The following TSNAX variants were observed in gnomAD, a reference collection of about 807,000 sequenced individuals.
The protein encoded by TSNAX is translin associated factor X.
In TSNAX, 12 loss-of-function variants were observed where a neutral mutation model predicts 33.0. That is an observed-to-expected ratio of 0.36 (90% CI 0.23 to 0.59). TSNAX has a LOEUF of 0.59. Ranked by LOEUF, TSNAX falls within the 20% of genes least tolerant of loss-of-function variation. TSNAX has a pLI of 0.74. For synonymous variants in TSNAX, 110 were observed against 117.2 expected (o/e 0.94, Z 0.40); for missense variants, 267 against 341.3 (o/e 0.78, Z 1.72).
At chr1:231,554,372 T>C (rs1235711519) in intron 4 of TSNAX, among the ~76,000 whole-genome samples, 1 of 152,156 alleles carries the variant, frequency 6.6e-6, no homozygotes, top group Non-Finnish European at 1.5e-5. Flanking sequence ...TTAGAAGGAA[T>C]TTACGGGAAA....
rs1177520944 is a variant in TSNAX, at chr1:231,564,932, CT to C, written c.*31del. 1 of 1,598,498 alleles carries C rather than the reference CT, an allele frequency of 6.3e-7. No homozygotes were observed. The highest frequency in any genetic ancestry group is 1.3e-5 in the African/African-American group (1 of 74,396). On this transcript the variant is annotated 3_prime_UTR_variant, in exon 6 of 6. Transcript: ENST00000366639. ...ATCTAACGTTACTCAGTTACTAATT[CT>C]TTTGAGAACTCCTAAGAGACCAATT...
In TSNAX at chr1:231,530,344, A is replaced by G. The variant is rs567727475; in HGVS notation, c.121+985A>G. 2.0e-5 allele frequency among the ~76,000 whole-genome samples: 3 copies of G among 152,338 alleles called. No individual in the cohort carries two copies. In the East Asian group the frequency reaches 5.8e-4, roughly 29 times the overall value. On this transcript the variant is annotated intron_variant, in intron 2 of 5. Coordinates refer to ENST00000366639, the MANE Select transcript of TSNAX (RefSeq NM_005999.3). ...GAAAACCACCACAGTATCTACTGTG[A>G]TCGTCAGAAGTTTAAGACAGCTGGC...
intron 4 of TSNAX, among the ~76,000 whole-genome samples, chr1:231,559,979 ATTATTATTT>A (rs1660943615): frequency 1.4e-5 from 2 of 147,712 alleles, no homozygotes; most frequent in African/African-American, 5.1e-5. Context: ...TATTATTATT[ATTATTATTT>A]TTTTTTTTTT....
chr1:231,552,345 A>G (rs1660373243), intron 4 of TSNAX, among the ~76,000 whole-genome samples: 1 of 152,192 alleles, frequency 6.6e-6, no homozygotes. Context: ...AATTAGTGGA[A>G]TTCTATTTAG....
intron 3 of TSNAX, among the ~76,000 whole-genome samples, chr1:231,538,345 ATAT>A (rs1659328056): frequency 6.6e-6 from 1 of 152,238 alleles, no homozygotes; most frequent in Non-Finnish European, 1.5e-5. Flanking sequence ...AGTTGTAATC[ATAT>A]TATTCATACA....
At chr1:231,543,837 GTTTA>G (rs1659732475) in intron 4 of TSNAX, among the ~76,000 whole-genome samples, 1 of 152,098 alleles carries the variant, frequency 6.6e-6, no homozygotes, top group African/African-American at 2.4e-5. Context: ...AATATCAGGG[GTTTA>G]TTTGATTTCT....
intron 3 of TSNAX, among the ~76,000 whole-genome samples, chr1:231,538,328 C>T (rs114067040): frequency 0.029 from 4,424 of 152,306 alleles, 251 homozygotes; most frequent in African/African-American, 0.1. Flanking sequence ...GCACTATTTT[C>T]TATTACAGTT....
intron 2 of TSNAX, chr1:231,534,607 A>G (rs1453567989): frequency 6.6e-6 from 1 of 152,222 alleles, no homozygotes; most frequent in Non-Finnish European, 1.5e-5. Flanking sequence ...AATAGCAGCA[A>G]AATAATAAGA....
intron 4 of TSNAX, among the ~76,000 whole-genome samples, chr1:231,559,408 AAG>A (rs1233434803): frequency 1.8e-4 from 28 of 152,116 alleles, no homozygotes; most frequent in African/African-American, 5.6e-4. Flanking sequence ...GGCTCATTAC[AAG>A]CCCCACCTCC....
At chr1:231,545,414 A>G (rs1659837616) in intron 4 of TSNAX, among the ~76,000 whole-genome samples, 1 of 152,206 alleles carries the variant, frequency 6.6e-6, no homozygotes, top group African/African-American at 2.4e-5. Context: ...TAATTGAACA[A>G]CAACAAAACG....
chr1:231,558,000 C>T (rs750913288), intron 4 of TSNAX, among the ~76,000 whole-genome samples: 3 of 152,034 alleles, frequency 2.0e-5, no homozygotes, highest in African/African-American at 4.8e-5. Context: ...GAGTGAGCAG[C>T]CACTACCCCT....
At chr1:231,537,189 C>G in intron 2 of TSNAX, 24 bp from the exon 3 acceptor site, 1 of 1,526,452 alleles carries the variant, frequency 6.6e-7, no homozygotes. Context: ...AATATACATG[C>G]TTATGATCAT....
At chr1:231,557,735 A>C (rs548088528) in intron 4 of TSNAX, among the ~76,000 whole-genome samples, 5 of 152,294 alleles carry the variant, frequency 3.3e-5, no homozygotes, top group Admixed American at 1.3e-4. Context: ...GCTGGTACTG[A>C]ATCTTGATCC....
At chr1:231,558,418 A>T (rs570427292) in intron 4 of TSNAX, among the ~76,000 whole-genome samples, 1 of 152,324 alleles carries the variant, frequency 6.6e-6, no homozygotes, top group South Asian at 2.1e-4. Context: ...GCCAGCTGGC[A>T]TAGGAGACAT....
intron 3 of TSNAX, 109 bp from the exon 4 acceptor site, chr1:231,542,372 A>T (rs1420172455): frequency 9.0e-7 from 1 of 1,107,248 alleles, no homozygotes; most frequent in Non-Finnish European, 1.3e-6. Flanking sequence ...TTGAGTTAGA[A>T]GTATATGAAT....
chr1:231,538,230 A>G (rs1409710155), intron 3 of TSNAX, among the ~76,000 whole-genome samples: 1 of 152,222 alleles, frequency 6.6e-6, no homozygotes, highest in Non-Finnish European at 1.5e-5. Flanking sequence ...GATTGCAAGT[A>G]AAAGAAACTA....
At chr1:231,551,003 T>C (rs202134690) in intron 4 of TSNAX, among the ~76,000 whole-genome samples, 11 of 152,252 alleles carry the variant, frequency 7.2e-5, no homozygotes, top group Non-Finnish European at 1.6e-4. Flanking sequence ...ATTTGTTATA[T>C]TTTATATCAC....
chr1:231,563,108 G>T (rs74409794), intron 5 of TSNAX, among the ~76,000 whole-genome samples: 9,234 of 152,216 alleles, frequency 0.061, 375 homozygotes, highest in Admixed American at 0.11. Flanking sequence ...TTATATTTAT[G>T]TAACTTCCTT....
chr1:231,558,827 C>A (rs1293304034), intron 4 of TSNAX, among the ~76,000 whole-genome samples: 1 of 151,776 alleles, frequency 6.6e-6, no homozygotes. Context: ...TTAAACTTAA[C>A]CTCGTTAATG....
Sources: gnomAD v4.1 joint callset for allele counts (sites outside exome capture counted in the v4.1 genomes callset) on GRCh38, gnomAD v4.1.1 for gene constraint, MANE v1.5 for transcripts, NCBI Gene and HGNC (gene_info 2026-07-23, HGNC 2026-07-21) for gene names.